CSMD1: variants seen among roughly 807,000 people sequenced by gnomAD.
The protein encoded by CSMD1 is CUB and Sushi multiple domains 1, also known as CUB and sushi domain-containing protein 1.
Under a neutral mutation model 417.5 loss-of-function variants are expected in CSMD1, and 213 were observed. That is an observed-to-expected ratio of 0.51 (90% CI 0.46 to 0.57). The LOEUF (loss-of-function observed/expected upper bound fraction) is 0.57. Ranked by LOEUF, CSMD1 falls within the 20% of genes least tolerant of loss-of-function variation. The pLI is 0.00. For missense variants in CSMD1, 6,923 were observed against 4,529.7 expected, an observed-to-expected ratio of 1.53 and a Z score of -15.17; for synonymous variants, 2,862 against 1,736.8, an observed-to-expected ratio of 1.65 and a Z score of -16.11.
chr8:3,375,288 C>G (rs1172001929), intron 18 of CSMD1: 2 of 152,218 alleles, frequency 1.3e-5, no homozygotes, highest in African/African-American at 4.8e-5. Context: ...TGGTGTGTTT[C>G]AGGTTATTTT....
chr8:4,822,362 T>C (rs561840612), intron 1 of CSMD1, among the ~76,000 whole-genome samples: 44 of 152,230 alleles, frequency 2.9e-4, no homozygotes, highest in African/African-American at 9.9e-4. Flanking sequence ...GACAAAAATG[T>C]GTTCATTGCT....
Position 4,761,914 on chromosome 8 carries a change from T to C in CSMD1, c.86-124356A>G, listed in dbSNP as rs201673867. On this transcript the variant is annotated intron_variant, in intron 1 of 69. Coordinates refer to ENST00000635120, the MANE Select transcript of CSMD1 (RefSeq NM_033225.6). ...ACCTACCTATCTATCTATCTATCAA[T>C]CTATCTATCTATCTATCTATCTATC... 2.9e-3 allele frequency among the ~76,000 whole-genome samples: 287 copies of C among 98,474 alleles called. 1 individual carries two copies. The highest frequency in any genetic ancestry group is 7.6e-3 in the Admixed American group (69 of 9,090). The allele number at this position is 98,474 out of a possible 152,430, so 64.6% of individuals were successfully genotyped here. A position where few individuals can be genotyped will look rare whatever the true frequency, so the allele number is the denominator to read the frequency against.
intron 4 of CSMD1, among the ~76,000 whole-genome samples, chr8:4,016,149 T>C (rs971983599): frequency 6.6e-6 from 1 of 152,192 alleles, no homozygotes; most frequent in Non-Finnish European, 1.5e-5. Context: ...TTAGATAGGA[T>C]TGCATAAAAG....
intron 3 of CSMD1, among the ~76,000 whole-genome samples, chr8:4,059,835 T>C (rs913358776): frequency 2.0e-5 from 3 of 149,722 alleles, no homozygotes; most frequent in South Asian, 2.1e-4. Flanking sequence ...CAGGACCAGA[T>C]GGATTCACAG....
At chr8:4,970,279 G>T (rs1810156977) in intron 1 of CSMD1, among the ~76,000 whole-genome samples, 1 of 152,054 alleles carries the variant, frequency 6.6e-6, no homozygotes, top group South Asian at 2.1e-4. Context: ...GCCTGTAAGT[G>T]ATAGATCATT....
intron 5 of CSMD1, among the ~76,000 whole-genome samples, chr8:3,913,640 A>C (rs889982494): frequency 5.9e-5 from 9 of 152,224 alleles, no homozygotes; most frequent in African/African-American, 1.9e-4. Context: ...GGAGTCATCC[A>C]GCATTGAGAC....
chr8:4,046,908 G>C (rs755415858), intron 3 of CSMD1, among the ~76,000 whole-genome samples: 3 of 152,116 alleles, frequency 2.0e-5, no homozygotes, highest in Non-Finnish European at 2.9e-5. Context: ...AAAATGGGCA[G>C]AGAGAGGCTT....
At chr8:4,024,113 AAAGAC>A (rs983799841) in intron 4 of CSMD1, among the ~76,000 whole-genome samples, 18 of 152,298 alleles carry the variant, frequency 1.2e-4, no homozygotes, top group Admixed American at 9.8e-4. Context: ...TACTAAATGG[AAAGAC>A]AAGAGATGTT....
At chr8:4,961,263 T>G (rs1482854143) in intron 1 of CSMD1, among the ~76,000 whole-genome samples, 1 of 152,120 alleles carries the variant, frequency 6.6e-6, no homozygotes, top group Non-Finnish European at 1.5e-5. Flanking sequence ...CCTCAAAATA[T>G]TTTATCCCAT....
chr8:2,995,585 A>G (rs1806819956), intron 54 of CSMD1, among the ~76,000 whole-genome samples: 2 of 152,172 alleles, frequency 1.3e-5, no homozygotes, highest in African/African-American at 4.8e-5. Flanking sequence ...TAACCACACA[A>G]AATCGTGTTC....
intron 5 of CSMD1, among the ~76,000 whole-genome samples, chr8:3,956,258 C>T (rs905742420): frequency 1.3e-5 from 2 of 152,200 alleles, no homozygotes; most frequent in East Asian, 1.9e-4. Flanking sequence ...CAAATTAATA[C>T]ATTTGACTTT....
At chr8:3,544,920 T>A (rs1194031689) in intron 10 of CSMD1, among the ~76,000 whole-genome samples, 2 of 152,220 alleles carry the variant, frequency 1.3e-5, no homozygotes, top group Non-Finnish European at 2.9e-5. Flanking sequence ...TAATGTTTAA[T>A]CTGAAAGTAT....
At position 4,106,885 on chromosome 8, in the gene CSMD1, G is replaced by A. The variant is rs530081037; in HGVS notation, c.416-74786C>T. On this transcript the variant is annotated intron_variant, in intron 3 of 69. Coordinates refer to ENST00000635120, the MANE Select transcript of CSMD1 (RefSeq NM_033225.6). ...CCGCATTTCTTCAACTCAAGTCATC[G>A]TTAATATTTAAAAACAAATCAATAG... Among the ~76,000 whole-genome samples the A allele has an allele frequency of 3.3e-5, 5 of 152,188 alleles. No homozygotes were observed. In the East Asian group the frequency reaches 5.8e-4, roughly 18 times the overall value.
chr8:3,619,709 G>A (rs1802326760), intron 7 of CSMD1, among the ~76,000 whole-genome samples: 2 of 152,054 alleles, frequency 1.3e-5, no homozygotes, highest in African/African-American at 4.8e-5. Context: ...AAAGAGAAAA[G>A]CAAGTCCTCA....
intron 5 of CSMD1, among the ~76,000 whole-genome samples, chr8:3,779,069 C>T (rs1799039719): frequency 6.6e-6 from 1 of 151,996 alleles, no homozygotes; most frequent in African/African-American, 2.4e-5. Flanking sequence ...TTCCTGTTCT[C>T]CTCTAAATGG....
chr8:3,264,333 A>G (rs1338000775), intron 26 of CSMD1, among the ~76,000 whole-genome samples: 1 of 152,160 alleles, frequency 6.6e-6, no homozygotes, highest in African/African-American at 2.4e-5. Flanking sequence ...ATCTGGTATT[A>G]TAACATTAGT....
intron 1 of CSMD1, among the ~76,000 whole-genome samples, chr8:4,843,416 C>T (rs1800951259): frequency 1.3e-5 from 2 of 149,800 alleles, no homozygotes; most frequent in South Asian, 4.2e-4. Context: ...ACTTTCCTTA[C>T]AGTACATTTG....
intron 12 of CSMD1, among the ~76,000 whole-genome samples, chr8:3,417,367 A>C (rs1416980099): frequency 6.6e-6 from 1 of 152,306 alleles, no homozygotes; most frequent in East Asian, 1.9e-4. Flanking sequence ...CTAACTTTTT[A>C]TCTCCCAAAA....
chr8:4,787,490 A>G, intron 1 of CSMD1: 1 of 891,112 alleles, frequency 1.1e-6, no homozygotes, highest in Non-Finnish European at 1.8e-6. Flanking sequence ...CTCAAAGAAA[A>G]TCACCAGTTG....
Sources: allele counts gnomAD v4.1 joint callset (sites outside exome capture counted in the v4.1 genomes callset), GRCh38; gene constraint gnomAD v4.1.1; transcripts MANE v1.5; gene names NCBI Gene and HGNC (gene_info 2026-07-23, HGNC 2026-07-21).